SUPT20H: variants seen among roughly 807,000 people sequenced by gnomAD.
SUPT20H encodes the protein SPT20 homolog, SAGA complex component.
A neutral mutation model predicts 122.8 loss-of-function variants in SUPT20H; 82 were observed. That is an observed-to-expected ratio of 0.67 (90% CI 0.56 to 0.80). SUPT20H has a LOEUF of 0.80. SUPT20H is among the 30% of genes least tolerant of loss of function. The pLI is 0.00. For synonymous variants in SUPT20H, 291 were observed against 313.0 expected (o/e 0.93, Z 0.74); for missense variants, 831 against 921.6 (o/e 0.90, Z 1.27).
At chr13:37,037,636 T>C (rs1214604828) in intron 9 of SUPT20H, among the ~76,000 whole-genome samples, 1 of 152,234 alleles carries the variant, frequency 6.6e-6, no homozygotes, top group African/African-American at 2.4e-5. Flanking sequence ...TAAAGGGTTA[T>C]GGCATTTTTC....
At position 37,017,331 on chromosome 13, in the gene SUPT20H, G is replaced by A. The variant is rs1182457599; in HGVS notation, c.1906C>T (p.Gln636Ter). The change falls in exon 23 of 26, where the codon CAG becomes TAG. Residue 636 changes from glutamine (Q) to a stop codon, truncating the protein, a stop_gained. Transcript: ENST00000350612. LOFTEE classifies it high-confidence loss of function. ...PGGSLIFNTLQQQQQQLSQFT... is the reference protein window; with the variant it reads ...PGGSLIFNTL ...TGGGAGAGCTGCTGTTGCTGCTGCT[G>A]CAGAGTGTTAAAAATAAGTGAACCA... is the stretch of plus-strand genomic sequence containing the variant. The A allele has an allele frequency of 5.0e-6, 8 of 1,614,012 alleles. No individual in the cohort carries two copies. The highest frequency in any genetic ancestry group is 1.7e-5 in the Admixed American group (1 of 60,014).
Position 37,033,565 on chromosome 13 carries a change from G to A in SUPT20H, c.591C>T (p.Ser197=). 1 of 1,613,072 alleles carries A rather than the reference G, an allele frequency of 6.2e-7. No homozygotes were observed. Among genetic ancestry groups the A allele is most frequent in the South Asian group, 1.1e-5 (1 of 90,800 alleles). ...GTTCAGCTGTAGCTAGGATGAGCTG[G>A]CTCTCAAGCAAAAGTTTGTCTTCCT... The part of the protein sequence containing the change: ...WTQEDKLLLE[S]QLILATAEPL... Residue 197 remains serine (S), a synonymous_variant, in exon 10 of 26, where the codon AGC becomes AGT. Transcript: ENST00000350612.
chr13:37,029,896 T>A, intron 12 of SUPT20H, 60 bp from the exon 13 acceptor site: 5 of 1,325,230 alleles, frequency 3.8e-6, no homozygotes, highest in Non-Finnish European at 5.2e-6. Flanking sequence ...TAAAATGGAA[T>A]CAGTATTCTG....
rs756896967 is a variant in SUPT20H, at chr13:37,026,182, TAAG to T, written c.1211+19_1211+21del. 13 of 1,558,718 alleles carry T rather than the reference TAAG, an allele frequency of 8.3e-6. No homozygotes were observed. In the Admixed American group the frequency reaches 2.7e-4, roughly 33 times the overall value. On this transcript the variant is annotated intron_variant, in intron 16 of 25. Transcript: ENST00000350612. The stretch of plus-strand genomic sequence containing the variant: ...TTTTTCATATCCATCCTGACCAAAA[TAAG>T]AGATGCAAATATTTTTACCTCTCAG...
At chr13:37,054,478 A>G (rs1038651543) in intron 1 of SUPT20H, among the ~76,000 whole-genome samples, 3 of 152,246 alleles carry the variant, frequency 2.0e-5, no homozygotes, top group African/African-American at 7.2e-5. Context: ...GCAAATCAAT[A>G]AACGTAATCC....
chr13:37,021,336 C>G (rs1264616269), intron 21 of SUPT20H, 112 bp downstream of exon 21: 1 of 1,135,728 alleles, frequency 8.8e-7, no homozygotes. Context: ...TGTGATACAA[C>G]ACTTCATGAA....
intron 6 of SUPT20H, among the ~76,000 whole-genome samples, chr13:37,044,430 C>T (rs2066045076): frequency 6.6e-6 from 1 of 151,336 alleles, no homozygotes; most frequent in South Asian, 2.1e-4. Context: ...AACCACAGCC[C>T]AAAGCAAAAT....
chr13:37,049,813 G>A (rs1295848336), intron 2 of SUPT20H, among the ~76,000 whole-genome samples: 2 of 152,088 alleles, frequency 1.3e-5, no homozygotes, highest in Non-Finnish European at 2.9e-5. Flanking sequence ...CTAGTTTTCT[G>A]TTTTATAGTC....
chr13:37,050,729 G>A (rs893938565), intron 2 of SUPT20H, among the ~76,000 whole-genome samples: 1 of 152,066 alleles, frequency 6.6e-6, no homozygotes, highest in East Asian at 1.9e-4. Context: ...AAAATGATTA[G>A]GTAATATAGA....
rs963939077 is a variant in SUPT20H, at chr13:37,022,377, T to C, written c.1592-297A>G. Reference sequence around the variant, plus strand: ...TTATAAATGGCCAGTCCTTTTAAAATAAGGTTAATGGAATCTTACTTAGCA... The same window carrying C: ...TTATAAATGGCCAGTCCTTTTAAAACAAGGTTAATGGAATCTTACTTAGCA... On this transcript the variant is annotated intron_variant, in intron 19 of 25. Transcript: ENST00000350612. This position sits in a 1 kb window ranked among gnomAD's most constrained non-coding sequence, Gnocchi z 4.5. The C allele has an allele frequency of 3.0e-6, 4 of 1,347,030 alleles. No homozygotes were observed. In the African/African-American group the frequency reaches 4.4e-5, roughly 15 times the overall value. The allele number at this position is 1,347,030 out of a possible 1,614,324, so 83.4% of individuals were successfully genotyped here. A position where few individuals can be genotyped will look rare whatever the true frequency, so the allele number is the denominator to read the frequency against.
In SUPT20H at chr13:37,045,182, TA is replaced by T. The variant is rs548465396; in HGVS notation, c.292+64del. 373 of 1,596,180 alleles carry T rather than the reference TA, an allele frequency of 2.3e-4. 1 individual carries two copies. In the African/African-American group the frequency reaches 3.7e-3, roughly 16 times the overall value. ...GCTTTAGCAGGTTAAAAAACTACTT[TA>T]AAAAAACCGCACATCCTGCCTAGCA... On this transcript the variant is annotated intron_variant, in intron 6 of 25. Coordinates refer to ENST00000350612, the MANE Select transcript of SUPT20H (RefSeq NM_001014286.3).
intron 12 of SUPT20H, 129 bp downstream of exon 12, chr13:37,031,435 CTTG>C: frequency 6.2e-6 from 3 of 483,632 alleles, no homozygotes; most frequent in East Asian, 7.0e-5. Context: ...TTTTAAAAAA[CTTG>C]TTTAGAGTAT....
chr13:37,055,311 TCAATC>T (rs1404752306), intron 1 of SUPT20H, among the ~76,000 whole-genome samples: 1 of 73,908 alleles, frequency 1.4e-5, no homozygotes, highest in African/African-American at 3.6e-5. Context: ...CATTGCCAAG[TCAATC>T]CTAAGCCAAA....
At chr13:37,041,288 C>T (rs1444507978) in intron 7 of SUPT20H, among the ~76,000 whole-genome samples, 2 of 152,046 alleles carry the variant, frequency 1.3e-5, no homozygotes, top group African/African-American at 2.4e-5. Context: ...GAGGCCGAGG[C>T]GGGTGGATCA....
At chr13:37,051,407 C>T in intron 2 of SUPT20H, 81 bp downstream of exon 2, 1 of 1,407,950 alleles carries the variant, frequency 7.1e-7, no homozygotes, top group Non-Finnish European at 1.0e-6. Context: ...ATTTCTATAT[C>T]TACCATACAA....
chr13:37,024,189 GT>G lies in SUPT20H; in HGVS notation c.1436del (p.Asn479ThrfsTer71). 9 of 1,609,596 alleles carry G rather than the reference GT, an allele frequency of 5.6e-6. No individual in the cohort carries two copies. The highest frequency in any genetic ancestry group is 7.6e-6 in the Non-Finnish European group (9 of 1,178,252). On this transcript the variant is annotated frameshift_variant, in exon 19 of 26. Coordinates refer to ENST00000350612, the MANE Select transcript of SUPT20H (RefSeq NM_001014286.3). LOFTEE classifies it high-confidence loss of function. ...TGCTTGTCTGTTGTGGTGTAAAATA[GT>G]TACCTAGAAGAACATAAAAGTTATT... The part of the protein sequence containing the change: ...PSSSGNSSSG[N>X]YFTPQQTSSF...
intron 9 of SUPT20H, chr13:37,039,957 A>G (rs2065168568): frequency 6.5e-6 from 1 of 152,878 alleles, no homozygotes; most frequent in Non-Finnish European, 1.5e-5. Context: ...TATAACACTG[A>G]GCCAGAACTG....
intron 6 of SUPT20H, among the ~76,000 whole-genome samples, chr13:37,044,736 A>G (rs1334097544): frequency 6.6e-6 from 1 of 152,168 alleles, no homozygotes; most frequent in Non-Finnish European, 1.5e-5. Context: ...ATTAACAGAA[A>G]TGTTCATATT....
At chr13:37,019,303 G>T in intron 22 of SUPT20H, 39 bp downstream of exon 22, 1 of 1,508,394 alleles carries the variant, frequency 6.6e-7, no homozygotes, top group Non-Finnish European at 9.0e-7. Context: ...AAAAGTCAAT[G>T]TACAAAAAAT....
Sources: allele counts gnomAD v4.1 joint callset (sites outside exome capture counted in the v4.1 genomes callset), GRCh38; gene constraint gnomAD v4.1.1; non-coding constraint Gnocchi (gnomAD v3.1); transcripts MANE v1.5; gene names NCBI Gene and HGNC (gene_info 2026-07-23, HGNC 2026-07-21).